LSG1: variants seen among roughly 807,000 people sequenced by gnomAD.
The protein encoded by LSG1 is large 60S subunit nuclear export GTPase 1.
In LSG1, 55 loss-of-function variants were observed where a neutral mutation model predicts 82.6. That is an observed-to-expected ratio of 0.67 (90% confidence interval 0.54 to 0.83). The LOEUF (loss-of-function observed/expected upper bound fraction) is 0.83. Among genes scored for constraint, LSG1 ranks in the 40% least tolerant of loss-of-function variants. LSG1 has a pLI of 0.00. For missense variants in LSG1, 809 were observed against 807.9 expected (o/e 1.00, Z -0.02); for synonymous variants, 272 against 282.5 (o/e 0.96, Z 0.37).
chr3:194,660,287 A>T (rs546299851), intron 5 of LSG1, among the ~76,000 whole-genome samples, 154 bp from the exon 6 acceptor site: 8 of 152,334 alleles, frequency 5.3e-5, no homozygotes, highest in African/African-American at 1.9e-4. Context: ...TTTATATATG[A>T]GTGACTTAAG....
chr3:194,662,758 G>A (rs9834693), intron 5 of LSG1, among the ~76,000 whole-genome samples: 47,293 of 151,894 alleles, frequency 0.31, 7,723 homozygotes, highest in Middle Eastern at 0.39. Flanking sequence ...GCGAAAGTCC[G>A]TCTCAAAAAA....
At chr3:194,667,225 A>G (rs2108622336) in intron 2 of LSG1, among the ~76,000 whole-genome samples, 1 of 152,088 alleles carries the variant, frequency 6.6e-6, no homozygotes, top group East Asian at 1.9e-4. Context: ...TAATTTTTGT[A>G]TTTTTAGTAG....
At chr3:194,652,700 T>C in intron 8 of LSG1, 29 bp downstream of exon 8, 2 of 1,589,560 alleles carry the variant, frequency 1.3e-6, no homozygotes, top group South Asian at 2.3e-5. Flanking sequence ...AATCACGTGG[T>C]AACAATGTTA....
chr3:194,657,162 A>C (rs942965778), intron 7 of LSG1, among the ~76,000 whole-genome samples: 46 of 133,912 alleles, frequency 3.4e-4, no homozygotes, highest in African/African-American at 1.3e-3. Flanking sequence ...AGTAAAATTA[A>C]AAAGAAAAAA....
intron 7 of LSG1, among the ~76,000 whole-genome samples, chr3:194,657,458 G>GTTTTTTTTTTTTTT (rs58115258): frequency 1.4e-5 from 2 of 139,164 alleles, no homozygotes; most frequent in African/African-American, 2.7e-5. Flanking sequence ...TGCTTAGTAA[G>GTTTTTTTTTTTTTT]TTTTTTTTTT....
At chr3:194,659,690 ATAAC>A (rs1419595688) in intron 6 of LSG1, among the ~76,000 whole-genome samples, 1 of 152,264 alleles carries the variant, frequency 6.6e-6, no homozygotes, top group African/African-American at 2.4e-5. Flanking sequence ...ACAGGGAGTC[ATAAC>A]TAAAGTGTGA....
Position 194,642,097 on chromosome 3 carries a change from G to A in LSG1, c.1948C>T (p.Arg650Cys), listed in dbSNP as rs201522065. 1.1e-4 allele frequency: 172 copies of A among 1,612,984 alleles called. No homozygotes were observed. Among genetic ancestry groups the A allele is most frequent in the East Asian group, 1.8e-4 (8 of 44,880 alleles). The change falls in exon 14 of 14, where the codon CGT becomes TGT. Residue 650 changes from arginine to cysteine, a missense_variant. By Grantham distance (180) the Arg-to-Cys change is radical. Coordinates refer to ENST00000265245, the MANE Select transcript of LSG1 (RefSeq NM_018385.3). ...HGNRNKKEKS[R>C]RLYKHLDM ...ATATCCAGGTGCTTGTAGAGTCTAC[G>A]ACTTTTTTCTTTTTTATTTCTGTTG...
In LSG1 at chr3:194,652,973, C is replaced by T. The variant is rs1356714855; in HGVS notation, c.929G>A (p.Cys310Tyr). Residue 310 changes from cysteine to tyrosine, a missense_variant, in exon 8 of 14, where the codon TGT (cysteine) becomes TAT (tyrosine). Physicochemically the swap from Cys to Tyr is radical, Grantham distance 194. Coordinates refer to ENST00000265245, the MANE Select transcript of LSG1 (RefSeq NM_018385.3). ...TDEDDSEYED[C>Y]PEEEEDDWQT... The stretch of plus-strand genomic sequence containing the variant: ...CCAGTCGTCTTCCTCCTCCTCTGGA[C>T]AGTCCTCATACTCACTGTCATCTTC... 2 of 1,614,060 alleles carry T rather than the reference C, an allele frequency of 1.2e-6. No individual in the cohort carries two copies. Among genetic ancestry groups the T allele is most frequent in the Non-Finnish European group, 1.7e-6 (2 of 1,180,050 alleles).
intron 6 of LSG1, 119 bp downstream of exon 6, chr3:194,659,954 G>A: frequency 2.6e-6 from 2 of 783,794 alleles, no homozygotes; most frequent in Non-Finnish European, 2.2e-6. Flanking sequence ...AAGGAGGGAA[G>A]GCCTCACTAA....
At chr3:194,650,170 C>T (rs1231159144) in intron 10 of LSG1, among the ~76,000 whole-genome samples, 1 of 152,240 alleles carries the variant, frequency 6.6e-6, no homozygotes, top group African/African-American at 2.4e-5. Flanking sequence ...CCGCCTGCCA[C>T]AGCCTCCCAA....
rs999431158 is a variant in LSG1, at chr3:194,642,388, C to T, written c.1798-141G>A. 30 of 571,894 alleles carry T rather than the reference C, an allele frequency of 5.2e-5. No individual in the cohort carries two copies. The Admixed American group carries it at 6.3e-4, about 12-fold the overall frequency. The allele number at this position is 571,894 out of a possible 1,614,324, so 35.4% of individuals were successfully genotyped here. A position where few individuals can be genotyped will look rare whatever the true frequency, so the allele number is the denominator to read the frequency against. ...TTCCGCCCCCCTCCCCTTCACTGGT[C>T]CTCTTTCTCCCCCCAGCATTCTGTC... On this transcript the variant is annotated intron_variant, in intron 13 of 13. Transcript: ENST00000265245.
rs1466386409 is a variant in LSG1 at position 194,653,140 on chromosome 3, T to C, written c.762A>G (p.Glu254=). 1 of 1,611,898 alleles carries C rather than the reference T, an allele frequency of 6.2e-7. No individual in the cohort carries two copies. Among genetic ancestry groups the C allele is most frequent in the Admixed American group, 1.7e-5 (1 of 59,768 alleles). ...GAIPLNGDSE[E]EANRDDRQSN... ...TTTGTCTATCATCTCTGTTTGCCTC[T>C]TCCTGACAAAATAATAGAAACGCTC... Residue 254 remains glutamate (E), a splice_region_variant and synonymous_variant, in exon 8 of 14, where the codon GAA becomes GAG. Transcript: ENST00000265245.
chr3:194,665,692 AT>A, intron 4 of LSG1, 49 bp from the exon 5 acceptor site: 1 of 1,132,192 alleles, frequency 8.8e-7, no homozygotes, highest in Non-Finnish European at 1.3e-6. Flanking sequence ...ATAATAGACA[AT>A]TTTTAGCAGT....
intron 2 of LSG1, among the ~76,000 whole-genome samples, chr3:194,669,239 G>A (rs894691735): frequency 1.3e-5 from 2 of 152,092 alleles, no homozygotes; most frequent in African/African-American, 2.4e-5. Context: ...TGATGGATAC[G>A]TTAATTACTT....
rs200676501 is a variant in LSG1 at position 194,646,248 on chromosome 3, GGA to G, written c.1544-7_1544-6del. On this transcript the variant is annotated splice_polypyrimidine_tract_variant and splice_region_variant and intron_variant, in intron 11 of 13. Transcript: ENST00000265245. The stretch of plus-strand genomic sequence containing the variant: ...CTGTCATGAATCCTCGCATGTCTGT[GGA>G]GAGAAAAGAATTTTGCAAAATCTTA... 3.9e-3 allele frequency: 6,229 copies of G among 1,613,268 alleles called. 219 individuals carry two copies. The African/African-American group carries it at 0.075, about 19-fold the overall frequency.
chr3:194,651,486 T>C (rs1189685988), intron 8 of LSG1: 1 of 424,140 alleles, frequency 2.4e-6, no homozygotes, highest in Non-Finnish European at 4.3e-6. Context: ...GAAAATTTCA[T>C]CCCCTTGTTC....
intron 5 of LSG1, chr3:194,660,810 A>C: frequency 2.2e-6 from 1 of 455,790 alleles, no homozygotes; most frequent in South Asian, 1.6e-5. Flanking sequence ...AAGTACAGCA[A>C]TAAGATAACT....
intron 10 of LSG1, among the ~76,000 whole-genome samples, chr3:194,649,695 CA>C (rs1052069289): frequency 1.3e-4 from 18 of 143,188 alleles, no homozygotes; most frequent in East Asian, 1.0e-3. Context: ...ATCTCAAAAA[CA>C]AAAAAAAAAG....
chr3:194,654,834 A>G (rs2108618105), intron 7 of LSG1, among the ~76,000 whole-genome samples: 1 of 152,350 alleles, frequency 6.6e-6, no homozygotes, highest in East Asian at 1.9e-4. Context: ...TGCACTTTCA[A>G]GGTGACCAAA....
Sources: gnomAD v4.1 joint callset for allele counts (sites outside exome capture counted in the v4.1 genomes callset) on GRCh38, gnomAD v4.1.1 for gene constraint, MANE v1.5 for transcripts, NCBI Gene and HGNC (gene_info 2026-07-23, HGNC 2026-07-21) for gene names.